Variants in EBF1 observed in about 807,000 individuals in gnomAD.
EBF1 encodes the protein transcription factor COE1.
A neutral mutation model predicts 68.4 loss-of-function variants in EBF1; 10 were observed. The observed-to-expected ratio is 0.15, with a 90% CI of 0.09 to 0.25. The LOEUF (loss-of-function observed/expected upper bound fraction) is 0.25. Ranked by LOEUF, EBF1 falls within the 10% of genes least tolerant of loss-of-function variation. The pLI, the probability that EBF1 is intolerant of heterozygous loss-of-function variation, is 1.00. For synonymous variants in EBF1, 298 were observed against 299.8 expected (o/e 0.99, Z 0.06); for missense variants, 509 against 794.4 (o/e 0.64, Z 4.32).
intron 9 of EBF1, among the ~76,000 whole-genome samples, chr5:158,793,960 C>T (rs540430964): frequency 2.6e-5 from 4 of 152,254 alleles, no homozygotes; most frequent in African/African-American, 7.2e-5. Flanking sequence ...TTCTTCTGAA[C>T]ATCAGGACAA....
chr5:159,069,946 T>A (rs965753488), intron 6 of EBF1, among the ~76,000 whole-genome samples: 1 of 152,230 alleles, frequency 6.6e-6, no homozygotes, highest in Non-Finnish European at 1.5e-5. Context: ...ATGAAGTTTA[T>A]TGCAAACCTT....
intron 8 of EBF1, among the ~76,000 whole-genome samples, chr5:158,822,267 CGGATGGAT>C (rs958054113): frequency 2.3e-4 from 13 of 56,994 alleles, no homozygotes; most frequent in Non-Finnish European, 3.7e-4. Flanking sequence ...GACGGATGGA[CGGATGGAT>C]GGATGGATGG....
chr5:158,909,935 G>C (rs1397178920), intron 6 of EBF1, among the ~76,000 whole-genome samples: 1 of 107,340 alleles, frequency 9.3e-6, no homozygotes, highest in African/African-American at 3.6e-5. Flanking sequence ...CCAGCCTGGT[G>C]ACAGAACGAG....
chr5:158,771,446 A>G (rs947296810), intron 10 of EBF1, among the ~76,000 whole-genome samples: 1 of 152,152 alleles, frequency 6.6e-6, no homozygotes, highest in African/African-American at 2.4e-5. Context: ...CTTAATTAAC[A>G]GCTCTTATTT....
intron 10 of EBF1, among the ~76,000 whole-genome samples, chr5:158,744,710 G>A (rs371602464): frequency 1.1e-4 from 16 of 152,288 alleles, no homozygotes; most frequent in East Asian, 9.6e-4. Context: ...ACAAGAAAGC[G>A]TGGAGGACAC....
rs112231991 is a variant in EBF1 at position 159,042,586 on chromosome 5, C to CTGTGTGTG, written c.554+30802_554+30809dup. On this transcript the variant is annotated intron_variant, in intron 6 of 15. Coordinates refer to ENST00000313708, the MANE Select transcript of EBF1 (RefSeq NM_024007.5). ...CCAAAGGAAAAAAAAAATTCTTTGCCTGTGTGTGTGTGTGTGTGTGTGTGC... is the reference window on the plus strand; with the variant it reads ...CCAAAGGAAAAAAAAAATTCTTTGCCTGTGTGTGTGTGTGTGTGTGTGTGTGTGTGTGC... Among the ~76,000 whole-genome samples, 588 of 148,632 alleles carry CTGTGTGTG rather than the reference C, an allele frequency of 4.0e-3. 4 individuals carry two copies. Among genetic ancestry groups the CTGTGTGTG allele is most frequent in the African/African-American group, 0.011 (453 of 40,566 alleles).
At chr5:158,939,263 C>G (rs760105183) in intron 6 of EBF1, among the ~76,000 whole-genome samples, 1 of 152,148 alleles carries the variant, frequency 6.6e-6, no homozygotes, top group African/African-American at 2.4e-5. Flanking sequence ...ATAGCCTAGA[C>G]AGAGAAAAGA....
At position 158,970,365 on chromosome 5, in the gene EBF1, A is replaced by T. The variant is rs1400421063; in HGVS notation, c.554+103031T>A. Among the ~76,000 whole-genome samples, 6 of 152,240 alleles carry T rather than the reference A, an allele frequency of 3.9e-5. No homozygotes were observed. The East Asian group carries it at 1.2e-3, about 29-fold the overall frequency. On this transcript the variant is annotated intron_variant, in intron 6 of 15. Transcript: ENST00000313708. ...TAGGTTTTCTTTATTAAAGCCGGAAATTGCCAAGGAGACAAAAGTCACCTG... is the reference window on the plus strand; with the variant it reads ...TAGGTTTTCTTTATTAAAGCCGGAATTTGCCAAGGAGACAAAAGTCACCTG...
chr5:158,743,127 A>G (rs549701297), intron 10 of EBF1, among the ~76,000 whole-genome samples: 29 of 152,342 alleles, frequency 1.9e-4, no homozygotes, highest in Non-Finnish European at 4.0e-4. Context: ...TTGGCTACCC[A>G]AAAATATACA....
intron 8 of EBF1, among the ~76,000 whole-genome samples, chr5:158,819,093 A>T (rs958641475): frequency 6.6e-6 from 1 of 152,162 alleles, no homozygotes; most frequent in Non-Finnish European, 1.5e-5. Flanking sequence ...GGGAGAAGGG[A>T]AAGAAAAAGA....
At chr5:158,908,769 T>G (rs1219191883) in intron 6 of EBF1, among the ~76,000 whole-genome samples, 1 of 152,218 alleles carries the variant, frequency 6.6e-6, no homozygotes, top group Non-Finnish European at 1.5e-5. Context: ...GTGATTATTC[T>G]CTGGAAACCT....
intron 6 of EBF1, among the ~76,000 whole-genome samples, chr5:158,940,762 CG>C (rs1258659449): frequency 4.1e-4 from 8 of 19,458 alleles, no homozygotes; most frequent in African/African-American, 8.6e-4. Context: ...TTCACCCCAC[CG>C]CCCCCCCCCC....
At chr5:158,765,001 T>G (rs1224287585) in intron 10 of EBF1, among the ~76,000 whole-genome samples, 1 of 152,206 alleles carries the variant, frequency 6.6e-6, no homozygotes, top group Non-Finnish European at 1.5e-5. Flanking sequence ...CTTTGTCAAC[T>G]ATAAAAATGC....
intron 6 of EBF1, among the ~76,000 whole-genome samples, chr5:158,887,595 T>C (rs1403179910): frequency 6.6e-6 from 1 of 152,220 alleles, no homozygotes; most frequent in African/African-American, 2.4e-5. Flanking sequence ...GTATACATTT[T>C]GCCAGACAAT....
intron 15 of EBF1, among the ~76,000 whole-genome samples, chr5:158,700,107 C>T (rs4704952): frequency 1.3e-5 from 2 of 152,174 alleles, no homozygotes; most frequent in Non-Finnish European, 2.9e-5. Flanking sequence ...ACCTGATAGA[C>T]GTTAGCTGCT....
At chr5:159,037,840 C>T (rs759395801) in intron 6 of EBF1, among the ~76,000 whole-genome samples, 1 of 152,104 alleles carries the variant, frequency 6.6e-6, no homozygotes, top group African/African-American at 2.4e-5. Flanking sequence ...CTCTCTCAAC[C>T]CCTCCAAGCT....
chr5:159,096,790 C>T (rs1425094439), intron 2 of EBF1, among the ~76,000 whole-genome samples, 184 bp downstream of exon 2: 1 of 152,204 alleles, frequency 6.6e-6, no homozygotes, highest in African/African-American at 2.4e-5. Flanking sequence ...GCGAACTTTT[C>T]TGGAGAAGGA....
At chr5:158,803,594 C>T (rs1781023274) in intron 8 of EBF1, among the ~76,000 whole-genome samples, 1 of 152,112 alleles carries the variant, frequency 6.6e-6, no homozygotes, top group Non-Finnish European at 1.5e-5. Flanking sequence ...AATTAGAATG[C>T]CTGACCTGAA....
At chr5:158,883,886 T>C (rs1799461531) in intron 6 of EBF1, among the ~76,000 whole-genome samples, 2 of 152,142 alleles carry the variant, frequency 1.3e-5, no homozygotes, top group African/African-American at 2.4e-5. Flanking sequence ...ATAAGAGCCA[T>C]ATATACTACT....
Sources: gnomAD v4.1 joint callset for allele counts (sites outside exome capture counted in the v4.1 genomes callset) on GRCh38, gnomAD v4.1.1 for gene constraint, MANE v1.5 for transcripts, NCBI Gene and HGNC (gene_info 2026-07-23, HGNC 2026-07-21) for gene names.